The following RLN2 variants were observed in gnomAD, a reference collection of about 807,000 sequenced individuals.
RLN2 encodes prorelaxin H2.
A neutral mutation model predicts 7.3 loss-of-function variants in RLN2; 10 were observed. That is an observed-to-expected ratio of 1.36 (90% CI 0.84 to 2.31). The LOEUF is 2.31. Among genes scored for constraint, RLN2 ranks in the 30% most tolerant of loss-of-function variants. RLN2 has a pLI of 0.00. For missense variants in RLN2, 298 were observed against 217.6 expected, an observed-to-expected ratio of 1.37 and a Z score of -2.32; for synonymous variants, 103 against 82.3, an observed-to-expected ratio of 1.25 and a Z score of -1.36.
chr9:5,328,260 C>A, the RLN2 span, among the ~76,000 whole-genome samples: 2 of 151,670 alleles, frequency 1.3e-5, no homozygotes, highest in Non-Finnish European at 2.9e-5. Flanking sequence ...AACTTCGTGA[C>A]GCATGCACAA....
At chr9:5,322,247 A>G in the RLN2 span, among the ~76,000 whole-genome samples, 1 of 151,984 alleles carries the variant, frequency 6.6e-6, no homozygotes, top group Non-Finnish European at 1.5e-5. Flanking sequence ...AGCAACCCCC[A>G]AAGGAGAAAC....
At chr9:5,308,134 GCC>G (rs1816287295), upstream of RLN2, among the ~76,000 whole-genome samples, 2 of 151,762 alleles carry the variant, frequency 1.3e-5, no homozygotes, top group Non-Finnish European at 2.9e-5. Flanking sequence ...CTCCCCAGAT[GCC>G]TTTGGAACTG....
chr9:5,300,510 TATGA>T, intron 1 of RLN2, 66 bp from the exon 2 acceptor site: 1 of 1,079,812 alleles, frequency 9.3e-7, no homozygotes, highest in Non-Finnish European at 1.3e-6. Flanking sequence ...TCAGAAAAAC[TATGA>T]ATGTTTGCAT....
At chr9:5,332,019 A>G in the RLN2 span, among the ~76,000 whole-genome samples, 2 of 151,994 alleles carry the variant, frequency 1.3e-5, no homozygotes, top group Non-Finnish European at 2.9e-5. Flanking sequence ...TGTGTTAATG[A>G]AAAAAATGGG....
the RLN2 span, among the ~76,000 whole-genome samples, chr9:5,326,890 A>C: frequency 6.6e-6 from 1 of 152,028 alleles, no homozygotes; most frequent in Non-Finnish European, 1.5e-5. Flanking sequence ...AGAAATGAGG[A>C]AGGGGCATTA....
At chr9:5,306,117 T>G (rs543579573), upstream of RLN2, among the ~76,000 whole-genome samples, 42 of 150,490 alleles carry the variant, frequency 2.8e-4, no homozygotes, top group East Asian at 7.8e-4. Flanking sequence ...TTGTTTTTTT[T>G]TTTTTTTTTT....
At chr9:5,305,002 G>A (rs143618867), upstream of RLN2, 190 of 171,712 alleles carry the variant, frequency 1.1e-3, 1 homozygote, top group African/African-American at 4.1e-3. Flanking sequence ...CAGTTTTCTA[G>A]AGTGAACATT....
upstream of RLN2, among the ~76,000 whole-genome samples, chr9:5,306,102 G>GGT (rs1554618110): frequency 1.5e-3 from 184 of 123,442 alleles, 2 homozygotes; most frequent in African/African-American, 5.0e-3. Context: ...CTTTGTTTTT[G>GGT]TTTTTTGTTT....
the RLN2 span, among the ~76,000 whole-genome samples, chr9:5,332,414 A>T: frequency 1.3e-5 from 2 of 152,034 alleles, no homozygotes; most frequent in Admixed American, 6.6e-5. Context: ...CCCTAGCAGA[A>T]AAAATAGTAT....
the RLN2 span, among the ~76,000 whole-genome samples, chr9:5,319,983 A>C: frequency 7.5e-6 from 1 of 133,872 alleles, no homozygotes; most frequent in Admixed American, 7.6e-5. Flanking sequence ...CCTCTAAGCT[A>C]ACACTTTTTT....
chr9:5,332,790 T>C, the RLN2 span, among the ~76,000 whole-genome samples: 1 of 151,858 alleles, frequency 6.6e-6, no homozygotes, highest in Admixed American at 6.6e-5. Flanking sequence ...TAATTTTCTG[T>C]ATTTTTAGTA....
the RLN2 span, among the ~76,000 whole-genome samples, chr9:5,323,319 C>G: frequency 6.6e-6 from 1 of 151,896 alleles, no homozygotes; most frequent in African/African-American, 2.4e-5. Flanking sequence ...CAATTTAATT[C>G]ATAGACCAGC....
chr9:5,329,422 T>C, the RLN2 span, among the ~76,000 whole-genome samples: 1 of 150,558 alleles, frequency 6.6e-6, no homozygotes, highest in South Asian at 2.1e-4. Context: ...ACCTTAAATG[T>C]AAATGAGCTA....
At chr9:5,331,856 C>T in the RLN2 span, among the ~76,000 whole-genome samples, 22 of 151,820 alleles carry the variant, frequency 1.4e-4, 1 homozygote, top group Non-Finnish European at 2.4e-4. Flanking sequence ...CTGGTGCAAC[C>T]TCTTTGGAGG....
the RLN2 span, among the ~76,000 whole-genome samples, chr9:5,333,733 G>A: frequency 1.3e-5 from 2 of 151,794 alleles, no homozygotes; most frequent in Non-Finnish European, 2.9e-5. Context: ...AAAACTTCAG[G>A]CCAATATCCC....
chr9:5,322,454 T>G, the RLN2 span, among the ~76,000 whole-genome samples: 679 of 152,132 alleles, frequency 4.5e-3, 6 homozygotes, highest in African/African-American at 0.015. Flanking sequence ...AGAAGTTAAT[T>G]CTGTTAAGCC....
chr9:5,326,368 C>T, the RLN2 span, among the ~76,000 whole-genome samples: 4 of 152,150 alleles, frequency 2.6e-5, no homozygotes, highest in African/African-American at 7.2e-5. Context: ...CAGGTGGAGC[C>T]ACTGAAGTGG....
chr9:5,335,485 T>A, the RLN2 span: 3 of 1,613,334 alleles, frequency 1.9e-6, no homozygotes, highest in African/African-American at 4.0e-5. Flanking sequence ...GCTCTGGTAA[T>A]GATGGTTGCC....
chr9:5,326,026 T>G, the RLN2 span, among the ~76,000 whole-genome samples: 6 of 152,040 alleles, frequency 3.9e-5, no homozygotes, highest in Non-Finnish European at 8.8e-5. Flanking sequence ...TATAATGAAG[T>G]CTGACCCAAA....
Sources: allele counts gnomAD v4.1 joint callset (sites outside exome capture counted in the v4.1 genomes callset), GRCh38; gene constraint gnomAD v4.1.1; transcripts MANE v1.5; gene names NCBI Gene and HGNC (gene_info 2026-07-23, HGNC 2026-07-21).